MCU: variants seen among roughly 807,000 people sequenced by gnomAD.
MCU encodes the protein calcium uniporter protein, mitochondrial.
MCU carries 12 observed loss-of-function variants against 45.2 expected under a neutral mutation model. The observed-to-expected ratio is 0.27, with a 90% CI of 0.17 to 0.43. MCU has a LOEUF of 0.43. MCU is among the 20% of genes least tolerant of loss of function. The probability of loss-of-function intolerance (pLI) is 1.00; values close to 1 mark genes in which losing one functional copy is unlikely to be tolerated. For synonymous variants in MCU, 160 were observed against 165.1 expected, an observed-to-expected ratio of 0.97 and a Z score of 0.24; for missense variants, 324 against 436.7, an observed-to-expected ratio of 0.74 and a Z score of 2.30.
At position 72,854,055 on chromosome 10, in the gene MCU, A is replaced by G. The variant is rs141535336; in HGVS notation, c.221-5122A>G. Among the ~76,000 whole-genome samples, 905 of 152,206 alleles carry G rather than the reference A, an allele frequency of 5.9e-3. 12 individuals are homozygous for G. The highest frequency in any genetic ancestry group is 0.021 in the African/African-American group (853 of 41,524). On this transcript the variant is annotated intron_variant, in intron 2 of 7. Transcript: ENST00000373053. ...AGGCTGAGGCAGGAGAATCGCTTGA[A>G]GGTGGTGAAGGCTACAGTGAGCCAA...
At chr10:72,731,366 A>G (rs1843171203) in intron 1 of MCU, among the ~76,000 whole-genome samples, 1 of 152,248 alleles carries the variant, frequency 6.6e-6, no homozygotes, top group Non-Finnish European at 1.5e-5. Context: ...TGAGTGCCCA[A>G]GGAATGGATA....
intron 1 of MCU, among the ~76,000 whole-genome samples, chr10:72,775,412 A>T (rs1843876205): frequency 6.6e-6 from 1 of 152,186 alleles, no homozygotes; most frequent in South Asian, 2.1e-4. Flanking sequence ...AGGGAAGTTT[A>T]TGATGATAAA....
At chr10:72,853,444 T>C (rs1424016912) in intron 2 of MCU, among the ~76,000 whole-genome samples, 1 of 151,830 alleles carries the variant, frequency 6.6e-6, no homozygotes, top group East Asian at 1.9e-4. Context: ...ATTAAAACTA[T>C]CCAAAATGAA....
At chr10:72,766,259 T>C (rs939779152) in intron 1 of MCU, among the ~76,000 whole-genome samples, 3 of 152,176 alleles carry the variant, frequency 2.0e-5, no homozygotes, top group Admixed American at 6.5e-5. Context: ...TTTTTTCTTG[T>C]CTTTCTTTTT....
At chr10:72,806,259 G>A (rs965691665) in intron 1 of MCU, among the ~76,000 whole-genome samples, 3 of 149,468 alleles carry the variant, frequency 2.0e-5, no homozygotes, top group African/African-American at 7.4e-5. Context: ...CTGGGTTCAA[G>A]CAATTCTCCT....
At chr10:72,745,572 C>G (rs1250331765) in intron 1 of MCU, among the ~76,000 whole-genome samples, 1 of 152,174 alleles carries the variant, frequency 6.6e-6, no homozygotes, top group African/African-American at 2.4e-5. Context: ...TAGCATGCTT[C>G]TTTCATCACA....
At position 72,885,891 on chromosome 10, in the gene MCU, T is replaced by C. The variant is rs543735441; in HGVS notation, c.*69T>C. On this transcript the variant is annotated 3_prime_UTR_variant, in exon 8 of 8. Transcript: ENST00000373053. ...GCCTTTTTAATTAAAGCATTGCAGG[T>C]GGAAGCTGGGAGCCATGTGGGGGGT... is the stretch of plus-strand genomic sequence containing the variant. The C allele has an allele frequency of 1.5e-6, 2 of 1,324,668 alleles. No homozygotes were observed. The highest frequency in any genetic ancestry group is 2.9e-5 in the African/African-American group (2 of 68,906). 82.1% of individuals were successfully genotyped at this position (1,324,668 alleles called of 1,614,324 possible).
chr10:72,804,066 ATATAT>A (rs1844388923), intron 1 of MCU, among the ~76,000 whole-genome samples: 1 of 76,366 alleles, frequency 1.3e-5, no homozygotes, highest in Non-Finnish European at 2.4e-5. Context: ...ATATATATAT[ATATAT>A]ATAAAATAAG....
intron 2 of MCU, among the ~76,000 whole-genome samples, chr10:72,847,729 T>C (rs975412806): frequency 2.0e-5 from 3 of 152,154 alleles, no homozygotes; most frequent in Non-Finnish European, 4.4e-5. Context: ...GGATTAGGGA[T>C]TTAGGAATAG....
intron 1 of MCU, among the ~76,000 whole-genome samples, chr10:72,712,688 A>G (rs1842910267): frequency 6.6e-6 from 1 of 152,202 alleles, no homozygotes; most frequent in Admixed American, 6.6e-5. Flanking sequence ...TGAGACAGGT[A>G]GTTGGTGTGA....
intron 1 of MCU, among the ~76,000 whole-genome samples, chr10:72,763,129 T>C (rs1255500502): frequency 6.6e-6 from 1 of 152,198 alleles, no homozygotes; most frequent in Non-Finnish European, 1.5e-5. Flanking sequence ...TAAATAACTG[T>C]GATTAGATTG....
intron 1 of MCU, among the ~76,000 whole-genome samples, chr10:72,738,926 G>C (rs772436870): frequency 2.0e-5 from 3 of 151,906 alleles, no homozygotes; most frequent in Non-Finnish European, 4.4e-5. Context: ...CAAAATGCTC[G>C]GTTTTTTTTA....
At chr10:72,860,644 T>G in intron 4 of MCU, 117 bp downstream of exon 4, 1 of 738,020 alleles carries the variant, frequency 1.4e-6, no homozygotes, top group Non-Finnish European at 2.3e-6. Context: ...ACACTGAAAG[T>G]TTTATATACA....
intron 1 of MCU, among the ~76,000 whole-genome samples, chr10:72,781,771 T>TC (rs1232006789): frequency 1.3e-5 from 2 of 152,054 alleles, no homozygotes; most frequent in African/African-American, 4.8e-5. Flanking sequence ...TCTTTTTTTT[T>TC]CTTCTTCCTT....
rs911107488 is a variant in MCU, at chr10:72,728,207, A to G, written c.150+35906A>G. On this transcript the variant is annotated intron_variant, in intron 1 of 7. Coordinates refer to ENST00000373053, the MANE Select transcript of MCU (RefSeq NM_138357.3). Reference sequence around the variant, plus strand: ...TCCATTATATCACTTGTCTTCTAATAAATATCATGTGAATGTGTTTTATTG... The same window carrying G: ...TCCATTATATCACTTGTCTTCTAATGAATATCATGTGAATGTGTTTTATTG... Among the ~76,000 whole-genome samples, 8 of 152,340 alleles carry G rather than the reference A, an allele frequency of 5.3e-5. No homozygotes were observed. The South Asian group carries it at 1.7e-3, about 32-fold the overall frequency.
intron 5 of MCU, among the ~76,000 whole-genome samples, chr10:72,870,655 C>T (rs1191813383): frequency 3.9e-5 from 6 of 152,204 alleles, no homozygotes; most frequent in African/African-American, 1.2e-4. Flanking sequence ...GATCATCGCT[C>T]TGAATTGAGC....
At chr10:72,854,979 C>T (rs560309826) in intron 2 of MCU, among the ~76,000 whole-genome samples, 6 of 152,252 alleles carry the variant, frequency 3.9e-5, no homozygotes, top group South Asian at 4.2e-4. Context: ...TGGTGGCTTA[C>T]GCCTGTAATC....
chr10:72,692,673 TGTC>T (rs1842638224), intron 1 of MCU: 1 of 1,201,368 alleles, frequency 8.3e-7, no homozygotes, highest in East Asian at 4.2e-5. Flanking sequence ...AGATGGAAGT[TGTC>T]CCCTTTCCCT....
chr10:72,772,356 G>A lies in MCU; in HGVS notation c.151-62003G>A, dbSNP rs141098577. Among the ~76,000 whole-genome samples the A allele has an allele frequency of 5.9e-5, 9 of 152,338 alleles. No individual in the cohort carries two copies. In the East Asian group the frequency reaches 1.7e-3, roughly 29 times the overall value. On this transcript the variant is annotated intron_variant, in intron 1 of 7. Transcript: ENST00000373053. ...GATCATTTCCTAGAGCTGAAAAGGAGGCAGTGACTTAGCAATATTGATTCA... is the reference window on the plus strand; with the variant it reads ...GATCATTTCCTAGAGCTGAAAAGGAAGCAGTGACTTAGCAATATTGATTCA...
Sources: gnomAD v4.1 joint callset for allele counts (sites outside exome capture counted in the v4.1 genomes callset) on GRCh38, gnomAD v4.1.1 for gene constraint, MANE v1.5 for transcripts, NCBI Gene and HGNC (gene_info 2026-07-23, HGNC 2026-07-21) for gene names.